Variants in ABCA1 observed in about 807,000 individuals in gnomAD.
ABCA1 encodes the protein phospholipid-transporting ATPase ABCA1.
In ABCA1, 133 loss-of-function variants were observed where a neutral mutation model predicts 262.5. The ratio of observed to expected loss-of-function variants is 0.51; its 90% CI spans 0.44 to 0.59. ABCA1 has a LOEUF of 0.59. Among genes scored for constraint, ABCA1 ranks in the 20% least tolerant of loss-of-function variants. The pLI, the probability that ABCA1 is intolerant of heterozygous loss-of-function variation, is 0.00. For missense variants in ABCA1, 2,452 were observed against 2,777.5 expected, an observed-to-expected ratio of 0.88 and a Z score of 2.63; for synonymous variants, 1,022 against 1,043.5, an observed-to-expected ratio of 0.98 and a Z score of 0.40.
At chr9:104,854,699 A>AGTGT (rs1835682629) in intron 7 of ABCA1, among the ~76,000 whole-genome samples, 4 of 152,186 alleles carry the variant, frequency 2.6e-5, no homozygotes, top group Non-Finnish European at 5.9e-5. Flanking sequence ...GCAGCAAGAC[A>AGTGT]AAAGAAGCCC....
intron 17 of ABCA1, among the ~76,000 whole-genome samples, chr9:104,824,899 G>A (rs987012403): frequency 1.3e-5 from 2 of 152,192 alleles, no homozygotes; most frequent in Admixed American, 6.5e-5. Flanking sequence ...TCTGCATGCT[G>A]CAAAATTGCA....
intron 3 of ABCA1, 86 bp from the exon 4 acceptor site, chr9:104,884,654 T>G (rs1054009184): frequency 4.0e-6 from 6 of 1,490,338 alleles, no homozygotes; most frequent in African/African-American, 2.8e-5. Flanking sequence ...CAATGCTTCA[T>G]GCCAAGTCTG....
rs200189278 is a variant in ABCA1 at position 104,889,080 on chromosome 9, G to A, written c.160+22C>T. The stretch of plus-strand genomic sequence containing the variant: ...TTTTCCCTGCCATTGGTGAGTCTCA[G>A]GCAACATCCACAGTTACTTACATTC... On this transcript the variant is annotated intron_variant, in intron 3 of 49. Transcript: ENST00000374736. The A allele has an allele frequency of 1.1e-5, 17 of 1,605,824 alleles. No homozygotes were observed. The East Asian group carries it at 3.6e-4, about 34-fold the overall frequency.
chr9:104,812,441 C>T lies in ABCA1; in HGVS notation c.4050+133G>A, dbSNP rs1176859590. On this transcript the variant is annotated intron_variant, in intron 28 of 49. Transcript: ENST00000374736. ...GATACACAACTGGCAAGGAATAGAA[C>T]TGGGATTGAAATACAGATAAATCTG... 4 of 1,188,520 alleles carry T rather than the reference C, an allele frequency of 3.4e-6. No homozygotes were observed. In the African/African-American group the frequency reaches 6.1e-5, roughly 18 times the overall value. The allele number at this position is 1,188,520 out of a possible 1,614,324, so 73.6% of individuals were successfully genotyped here. A position where few individuals can be genotyped will look rare whatever the true frequency, so the allele number is the denominator to read the frequency against.
At chr9:104,870,762 G>C (rs567323233) in intron 5 of ABCA1, among the ~76,000 whole-genome samples, 2 of 152,096 alleles carry the variant, frequency 1.3e-5, no homozygotes, top group Admixed American at 6.6e-5. Flanking sequence ...TCCGAAAAGA[G>C]AGTCAGCAAA....
In ABCA1 at chr9:104,830,976, T is replaced by C; in HGVS notation, c.1841A>G (p.Lys614Arg). 6.2e-7 allele frequency: 1 copy of C among 1,613,838 alleles called. No homozygotes were observed. The highest frequency in any genetic ancestry group is 1.3e-5 in the African/African-American group (1 of 74,892). ...IIRVLTGTEK[K>R]TGVYMQQMPY... ...CATCTGTTGCATATAGACACCAGTT[T>C]TCTTCTCGGTGCCCGTCAGCACCCT... The change falls in exon 14 of 50, where the codon AAA (lysine) becomes AGA (arginine). Residue 614 changes from lysine to arginine, a missense_variant. Coordinates refer to ENST00000374736, the MANE Select transcript of ABCA1 (RefSeq NM_005502.4).
At chr9:104,816,616 T>C (rs938354989) in intron 24 of ABCA1, among the ~76,000 whole-genome samples, 5 of 56,068 alleles carry the variant, frequency 8.9e-5, no homozygotes, top group Non-Finnish European at 1.6e-4. Context: ...GATGGGTGAA[T>C]GGGAGGATGG....
chr9:104,826,487 T>C (rs367969088), intron 16 of ABCA1, among the ~76,000 whole-genome samples: 11 of 152,206 alleles, frequency 7.2e-5, no homozygotes, highest in East Asian at 5.8e-4. Flanking sequence ...TTGTGCTTAG[T>C]TCAGAAAACA....
chr9:104,785,274 T>C, intron 49 of ABCA1, 122 bp downstream of exon 49: 2 of 1,306,570 alleles, frequency 1.5e-6, no homozygotes, highest in Non-Finnish European at 2.2e-6. Context: ...TAGCTAGGAA[T>C]AGTAGATCAG....
At position 104,903,721 on chromosome 9, in the gene ABCA1, T is replaced by G. The variant is rs778333782; in HGVS notation, c.-42A>C. The G allele has an allele frequency of 4.5e-6, 7 of 1,552,954 alleles. No homozygotes were observed. In the South Asian group the frequency reaches 8.3e-5, roughly 18 times the overall value. ...CCCCCAGCGTGTGGCTCGGGAGCCC[T>G]GGAAGGCAGCGGCCAGAGCTCACAG... On this transcript the variant is annotated 5_prime_UTR_variant, in exon 2 of 50. Transcript: ENST00000374736.
In ABCA1 at chr9:104,889,179, T is replaced by C; in HGVS notation, c.83A>G (p.Glu28Gly). ...RRRQTCQLLL[E>G]VAWPLFIFLI... is the part of the protein sequence containing the mutation. ...GAAGATAAATAGAGGCCAGGCCACT[T>C]CCAGCAGCAGCTGACACTGAGTGGG... Residue 28 changes from glutamate to glycine, a missense_variant, in exon 3 of 50, where the codon GAA becomes GGA. Transcript: ENST00000374736. 1 of 1,614,162 alleles carries C rather than the reference T, an allele frequency of 6.2e-7. No individual in the cohort carries two copies. The highest frequency in any genetic ancestry group is 8.5e-7 in the Non-Finnish European group (1 of 1,180,014).
chr9:104,838,757 T>G, intron 9 of ABCA1, among the ~76,000 whole-genome samples: 1 of 152,044 alleles, frequency 6.6e-6, no homozygotes, highest in East Asian at 1.9e-4. Context: ...TCATTCTAAG[T>G]TTTTCAGGGA....
chr9:104,863,527 C>G (rs529087776), intron 5 of ABCA1, among the ~76,000 whole-genome samples: 1 of 152,296 alleles, frequency 6.6e-6, no homozygotes, highest in African/African-American at 2.4e-5. Context: ...ATCCGCGGAG[C>G]TAAGAGGGTC....
rs1174077353 is a variant in ABCA1 at position 104,858,525 on chromosome 9, G to A, written c.717C>T (p.Ile239=). The change falls in exon 7 of 50, where the codon ATC becomes ATT. Residue 239 remains isoleucine, a synonymous_variant. Transcript: ENST00000374736. ...LRSNMDILKP[I]LRTLNSTSPF... ...TCCAGTGAGCAAGTCTACTCACCAG[G>A]ATTGGCTTCAGGATGTCCATGTTGG... The A allele has an allele frequency of 1.2e-6, 2 of 1,613,678 alleles. No individual in the cohort carries two copies. Among genetic ancestry groups the A allele is most frequent in the African/African-American group, 2.7e-5 (2 of 75,036 alleles).
At position 104,802,054 on chromosome 9, in the gene ABCA1, C is replaced by T. The variant is rs749383560; in HGVS notation, c.4698G>A (p.Lys1566=). The change falls in exon 34 of 50, where the codon AAG becomes AAA. Residue 1566 remains lysine (K), a splice_region_variant and synonymous_variant. Transcript: ENST00000374736. Reference sequence around the variant, plus strand: ...ATACATCTTACGATAGATATTTTACCTTGGCCAGCTTTAGGTGTTTCTTCA... The same window carrying T: ...ATACATCTTACGATAGATATTTTACTTTGGCCAGCTTTAGGTGTTTCTTCA... The part of the protein sequence containing the change: ...KQMKKHLKLA[K]DSSADRFLNS... The T allele has an allele frequency of 1.2e-6, 2 of 1,613,912 alleles. No individual in the cohort carries two copies. The highest frequency in any genetic ancestry group is 1.7e-6 in the Non-Finnish European group (2 of 1,179,910).
chr9:104,869,759 T>C (rs1162412859), intron 5 of ABCA1, among the ~76,000 whole-genome samples: 1 of 152,102 alleles, frequency 6.6e-6, no homozygotes, highest in Non-Finnish European at 1.5e-5. Flanking sequence ...CAGGAGACAC[T>C]TCCTTCTCTA....
At chr9:104,868,264 C>G (rs1035479374) in intron 5 of ABCA1, among the ~76,000 whole-genome samples, 1 of 152,148 alleles carries the variant, frequency 6.6e-6, no homozygotes, top group Non-Finnish European at 1.5e-5. Flanking sequence ...GAAGCTGAGG[C>G]AGGAGAATTG....
At chr9:104,825,616 T>C in intron 17 of ABCA1, 67 bp downstream of exon 17, 12 of 1,543,060 alleles carry the variant, frequency 7.8e-6, no homozygotes, top group Non-Finnish European at 1.1e-5. Context: ...ACTGCAGAGA[T>C]TCTAGCACAA....
intron 3 of ABCA1, among the ~76,000 whole-genome samples, chr9:104,887,744 T>C: frequency 7.4e-6 from 1 of 134,958 alleles, no homozygotes; most frequent in East Asian, 2.3e-4. Flanking sequence ...TTTTTTTTTT[T>C]GAGACAGAGT....
Sources: gnomAD v4.1 joint callset for allele counts (sites outside exome capture counted in the v4.1 genomes callset) on GRCh38, gnomAD v4.1.1 for gene constraint, MANE v1.5 for transcripts, NCBI Gene and HGNC (gene_info 2026-07-23, HGNC 2026-07-21) for gene names.